Variants in KPNA1 observed in about 807,000 individuals in gnomAD.
The protein encoded by KPNA1 is karyopherin subunit alpha 1, also known as importin subunit alpha-5.
In KPNA1, 10 loss-of-function variants were observed where a neutral mutation model predicts 70.5. The observed-to-expected ratio is 0.14, with a 90% CI of 0.09 to 0.24. The LOEUF (loss-of-function observed/expected upper bound fraction) is 0.24. KPNA1 is among the 10% of genes least tolerant of loss of function. The probability of loss-of-function intolerance (pLI) is 1.00; values close to 1 mark genes in which losing one functional copy is unlikely to be tolerated. For synonymous variants in KPNA1, 192 were observed against 221.9 expected, an observed-to-expected ratio of 0.87 and a Z score of 1.20; for missense variants, 397 against 637.9, an observed-to-expected ratio of 0.62 and a Z score of 4.07.
At chr3:122,488,853 GT>G (rs1256015881) in intron 2 of KPNA1, among the ~76,000 whole-genome samples, 4 of 152,172 alleles carry the variant, frequency 2.6e-5, no homozygotes, top group African/African-American at 9.7e-5. Context: ...CCATGACGTA[GT>G]TTTCTTCATC....
intron 2 of KPNA1, among the ~76,000 whole-genome samples, chr3:122,486,243 T>C (rs1284211371): frequency 1.3e-5 from 2 of 152,246 alleles, no homozygotes; most frequent in African/African-American, 2.4e-5. Flanking sequence ...AACAAGTGAA[T>C]GGATAAACCA....
In KPNA1 at chr3:122,424,055, T is replaced by TG. The variant is rs1034138120; in HGVS notation, c.*2929dup. 6.6e-6 allele frequency: 1 copy of TG among 152,232 alleles called. No individual in the cohort carries two copies. Among genetic ancestry groups the TG allele is most frequent in the African/African-American group, 2.4e-5 (1 of 41,466 alleles). The allele number at this position is 152,232 out of a possible 1,614,324, so 9.4% of individuals were successfully genotyped here. On this transcript the variant is annotated 3_prime_UTR_variant, in exon 14 of 14. Coordinates refer to ENST00000344337, the MANE Select transcript of KPNA1 (RefSeq NM_002264.4). ...TCTCAATCCAACCACATCTACCTGC[T>TG]GGTCCATCAGATACCAGATGCCTTT...
At chr3:122,432,699 G>C (rs1459663023) in intron 12 of KPNA1, 1 of 151,930 alleles carries the variant, frequency 6.6e-6, no homozygotes, top group African/African-American at 2.4e-5. Context: ...TGAAATACTA[G>C]ATGTCCTGAA....
chr3:122,450,751 G>A (rs2076192311), intron 8 of KPNA1, among the ~76,000 whole-genome samples: 1 of 152,128 alleles, frequency 6.6e-6, no homozygotes, highest in Non-Finnish European at 1.5e-5. Flanking sequence ...TCCCATTCCT[G>A]GGTATCTACC....
chr3:122,514,058 C>G (rs924089988), intron 1 of KPNA1, among the ~76,000 whole-genome samples: 2 of 152,236 alleles, frequency 1.3e-5, no homozygotes, highest in African/African-American at 4.8e-5. Flanking sequence ...TTTCCTCCTC[C>G]CGTTTTGAGC....
At chr3:122,494,301 G>A (rs762708792) in intron 2 of KPNA1, among the ~76,000 whole-genome samples, 1 of 152,106 alleles carries the variant, frequency 6.6e-6, no homozygotes, top group Admixed American at 6.6e-5. Flanking sequence ...AATCCATCTT[G>A]AGTTAATTTT....
Position 122,475,073 on chromosome 3 carries a change from G to C in KPNA1, c.130-7644C>G, listed in dbSNP as rs554823207. Among the ~76,000 whole-genome samples, 3 of 152,286 alleles carry C rather than the reference G, an allele frequency of 2.0e-5. No individual in the cohort carries two copies. The East Asian group carries it at 5.8e-4, about 29-fold the overall frequency. On this transcript the variant is annotated intron_variant, in intron 2 of 13. Coordinates refer to ENST00000344337, the MANE Select transcript of KPNA1 (RefSeq NM_002264.4). The stretch of plus-strand genomic sequence containing the variant: ...AAAAGGAAGAAATGAAATTGTCCCT[G>C]ATTGCTGAAGACATATCTTACATGG...
intron 6 of KPNA1, among the ~76,000 whole-genome samples, chr3:122,453,498 T>C (rs1000803297): frequency 6.6e-6 from 1 of 151,430 alleles, no homozygotes; most frequent in Non-Finnish European, 1.5e-5. Flanking sequence ...CCTTATTATG[T>C]TGGGAAATTT....
At chr3:122,448,576 C>T (rs981806544) in intron 9 of KPNA1, among the ~76,000 whole-genome samples, 1 of 152,072 alleles carries the variant, frequency 6.6e-6, no homozygotes, top group African/African-American at 2.4e-5. Context: ...GGGAACATCA[C>T]ACACTGGGGC....
At position 122,492,558 on chromosome 3, in the gene KPNA1, A is replaced by T. The variant is rs144971806; in HGVS notation, c.129+3879T>A. Among the ~76,000 whole-genome samples, 119 of 152,354 alleles carry T rather than the reference A, an allele frequency of 7.8e-4. No homozygotes were observed. The Middle Eastern group carries it at 0.01, about 13-fold the overall frequency. On this transcript the variant is annotated intron_variant, in intron 2 of 13. Coordinates refer to ENST00000344337, the MANE Select transcript of KPNA1 (RefSeq NM_002264.4). ...AAAATTGAGATTTCATTATTTTTTC[A>T]TATGGAAGCTTCAACATCCAATGTA...
At chr3:122,508,154 A>C (rs2076912796) in intron 1 of KPNA1, among the ~76,000 whole-genome samples, 1 of 152,252 alleles carries the variant, frequency 6.6e-6, no homozygotes, top group African/African-American at 2.4e-5. Context: ...TAAATGAACC[A>C]GAACCACGGC....
intron 1 of KPNA1, among the ~76,000 whole-genome samples, chr3:122,507,533 T>C (rs1175790305): frequency 1.3e-5 from 2 of 151,688 alleles, no homozygotes; most frequent in Non-Finnish European, 2.9e-5. Context: ...TGATAAGCAA[T>C]ATACTGATTA....
intron 2 of KPNA1, among the ~76,000 whole-genome samples, chr3:122,468,229 T>C (rs562649372): frequency 3.1e-4 from 47 of 152,316 alleles, no homozygotes; most frequent in African/African-American, 1.0e-3. Context: ...AGTTCCAGGC[T>C]GCAGTGCAGG....
chr3:122,488,968 C>A (rs2076662679), intron 2 of KPNA1, among the ~76,000 whole-genome samples: 1 of 151,770 alleles, frequency 6.6e-6, no homozygotes, highest in South Asian at 2.1e-4. Context: ...TTTTCTCTTC[C>A]ACCCTCTCTT....
Position 122,463,987 on chromosome 3 carries a change from G to C in KPNA1, c.292C>G (p.Gln98Glu). The C allele has an allele frequency of 1.2e-6, 2 of 1,607,780 alleles. No homozygotes were observed. Among genetic ancestry groups the C allele is most frequent in the Non-Finnish European group, 1.7e-6 (2 of 1,176,218 alleles). Residue 98 changes from glutamine (Q) to glutamate (E), a missense_variant, in exon 4 of 14, where the codon CAA becomes GAA. Physicochemically the swap from Gln to Glu is conservative, Grantham distance 29. Coordinates refer to ENST00000344337, the MANE Select transcript of KPNA1 (RefSeq NM_002264.4). ...AATTTCTGTGTTGCTGAAAGCTGTT[G>C]CTCTGGGCTTTTGGAAAATATCATT... ...IEMIFSKSPE[Q>E]QLSATQKFRK...
intron 1 of KPNA1, among the ~76,000 whole-genome samples, chr3:122,504,000 A>G (rs907502623): frequency 1.3e-5 from 2 of 152,222 alleles, no homozygotes; most frequent in African/African-American, 4.8e-5. Context: ...CAGGAAAACT[A>G]TTCTGTATGA....
intron 5 of KPNA1, chr3:122,460,116 A>G (rs2076307151): frequency 2.0e-6 from 2 of 985,372 alleles, no homozygotes; most frequent in Non-Finnish European, 2.4e-6. Context: ...TTATAGCTGC[A>G]TAGTCTCAGG....
At chr3:122,471,752 G>A (rs534430655) in intron 2 of KPNA1, among the ~76,000 whole-genome samples, 8 of 151,968 alleles carry the variant, frequency 5.3e-5, no homozygotes, top group African/African-American at 1.9e-4. Flanking sequence ...CCGAGATCGC[G>A]CCCCTGCACT....
intron 8 of KPNA1, 43 bp downstream of exon 8, chr3:122,451,491 A>T: frequency 9.1e-7 from 1 of 1,095,332 alleles, no homozygotes; most frequent in Non-Finnish European, 1.4e-6. Context: ...ATACTCTTTT[A>T]ATTGTATTTT....
Sources: gnomAD v4.1 joint callset for allele counts (sites outside exome capture counted in the v4.1 genomes callset) on GRCh38, gnomAD v4.1.1 for gene constraint, MANE v1.5 for transcripts, NCBI Gene and HGNC (gene_info 2026-07-23, HGNC 2026-07-21) for gene names.